Variants in CAMTA1 observed in about 807,000 individuals in gnomAD.
CAMTA1 encodes calmodulin-binding transcription activator 1.
In CAMTA1, 27 loss-of-function variants were observed where a neutral mutation model predicts 170.9. The observed-to-expected ratio is 0.16, with a 90% CI of 0.12 to 0.22. CAMTA1 has a LOEUF of 0.22. Among genes scored for constraint, CAMTA1 ranks in the 10% least tolerant of loss-of-function variants. The probability of loss-of-function intolerance (pLI) is 1.00; values close to 1 mark genes in which losing one functional copy is unlikely to be tolerated. For missense variants in CAMTA1, 1,619 were observed against 2,217.2 expected, an observed-to-expected ratio of 0.73 and a Z score of 5.42; for synonymous variants, 833 against 891.5, an observed-to-expected ratio of 0.93 and a Z score of 1.17.
intron 4 of CAMTA1, among the ~76,000 whole-genome samples, chr1:7,227,386 G>A (rs1262468017): frequency 6.6e-6 from 1 of 152,114 alleles, no homozygotes; most frequent in East Asian, 1.9e-4. Flanking sequence ...GACGTGCAAT[G>A]GTGTGATCTT....
At position 6,983,119 on chromosome 1, in the gene CAMTA1, C is replaced by A. The variant is rs555045287; in HGVS notation, c.235-108185C>A. Among the ~76,000 whole-genome samples the A allele has an allele frequency of 1.8e-4, 28 of 152,296 alleles. 1 individual carries two copies. In the South Asian group the frequency reaches 5.4e-3, roughly 29 times the overall value. ...CATTCCAGATTGTGGCTCCTGTGTG[C>A]TGTCTTTATCCTGTGTTACTCTCCC... On this transcript the variant is annotated intron_variant, in intron 3 of 22. Transcript: ENST00000303635.
rs138123146 is a variant in CAMTA1 at position 7,663,985 on chromosome 1, A to G, written c.1438A>G (p.Thr480Ala). The change falls in exon 9 of 23, where the codon ACC (threonine) becomes GCC (alanine). Residue 480 changes from threonine to alanine, a missense_variant. Transcript: ENST00000303635. ...CGGTGGCCGGAAGATTCCAGAAACC[A>G]CCATGAACTTTGACCCCGACTGTTT... Reference protein sequence around the residue: ...LDGGRKIPETTMNFDPDCFLN... With the variant: ...LDGGRKIPETAMNFDPDCFLN... 2.1e-4 allele frequency: 343 copies of G among 1,613,812 alleles called. No homozygotes were observed. The East Asian group carries it at 6.6e-3, about 31-fold the overall frequency.
At chr1:7,140,553 C>G (rs1245398813) in intron 4 of CAMTA1, among the ~76,000 whole-genome samples, 1 of 152,080 alleles carries the variant, frequency 6.6e-6, no homozygotes, top group Non-Finnish European at 1.5e-5. Context: ...GGAGAATAAG[C>G]AACTGGGTCT....
chr1:7,302,257 A>G (rs532624771), intron 5 of CAMTA1, among the ~76,000 whole-genome samples: 1 of 152,166 alleles, frequency 6.6e-6, no homozygotes, highest in African/African-American at 2.4e-5. Flanking sequence ...CTGCCCACAG[A>G]GAGATGCTCC....
At chr1:7,004,437 C>T (rs1698682681) in intron 3 of CAMTA1, among the ~76,000 whole-genome samples, 1 of 152,136 alleles carries the variant, frequency 6.6e-6, no homozygotes, top group Non-Finnish European at 1.5e-5. Flanking sequence ...ATCAGCTGGG[C>T]AGAGCTCAGG....
chr1:7,493,171 GCACACAAATACAAACACGCA>G (rs1364098687), intron 6 of CAMTA1, among the ~76,000 whole-genome samples: 4 of 122,850 alleles, frequency 3.3e-5, no homozygotes, highest in Non-Finnish European at 5.0e-5. Flanking sequence ...ACATACACGC[GCACACAAATACAAACACGCA>G]CACACACAAA....
chr1:6,875,170 C>T (rs1266702185), intron 3 of CAMTA1, among the ~76,000 whole-genome samples: 1 of 152,206 alleles, frequency 6.6e-6, no homozygotes, highest in Non-Finnish European at 1.5e-5. Flanking sequence ...CCATTCATAT[C>T]ACAGCACTGC....
chr1:7,250,920 A>G (rs1050927341), intron 5 of CAMTA1, among the ~76,000 whole-genome samples: 3 of 152,192 alleles, frequency 2.0e-5, no homozygotes. Flanking sequence ...TAGGACGGTG[A>G]CCGCTGATCG....
intron 11 of CAMTA1, among the ~76,000 whole-genome samples, chr1:7,708,124 A>G (rs906482790): frequency 6.6e-5 from 10 of 152,038 alleles, no homozygotes; most frequent in Non-Finnish European, 1.3e-4. Context: ...TGAGCCTAGG[A>G]GTTCAAGACC....
intron 6 of CAMTA1, among the ~76,000 whole-genome samples, chr1:7,484,168 C>G (rs936453165): frequency 3.3e-5 from 5 of 152,196 alleles, no homozygotes; most frequent in African/African-American, 1.2e-4. Context: ...CCAGGGCAGA[C>G]CCGGTGTGGG....
chr1:7,613,552 G>C (rs1361218477), intron 6 of CAMTA1, among the ~76,000 whole-genome samples: 1 of 152,170 alleles, frequency 6.6e-6, no homozygotes, highest in East Asian at 1.9e-4. Context: ...GAGTGTTTAT[G>C]GCATGGTCCT....
rs550518059 is a variant in CAMTA1, at chr1:7,609,943, C to T, written c.511-30457C>T. Among the ~76,000 whole-genome samples the T allele has an allele frequency of 6.6e-6, 1 of 152,204 alleles. No homozygotes were observed. The highest frequency in any genetic ancestry group is 1.5e-5 in the Non-Finnish European group (1 of 68,036). On this transcript the variant is annotated intron_variant, in intron 6 of 22. Coordinates refer to ENST00000303635, the MANE Select transcript of CAMTA1 (RefSeq NM_015215.4). This position sits in a 1 kb window ranked among gnomAD's most constrained non-coding sequence, Gnocchi z 4.4. ...CTTATTTGTGAAATGAGAGGGTAAA[C>T]TGTGGGGTCTCCAAGTCTCTTTACC... is the stretch of plus-strand genomic sequence containing the variant.
intron 4 of CAMTA1, among the ~76,000 whole-genome samples, chr1:7,141,799 A>AAGGATGAG (rs1232166910): frequency 3.2e-4 from 48 of 152,318 alleles, no homozygotes; most frequent in African/African-American, 1.0e-3. Flanking sequence ...CAGCTGGCAG[A>AAGGATGAG]AGGATGAGAG....
chr1:7,562,492 C>T lies in CAMTA1; in HGVS notation c.511-77908C>T, dbSNP rs960290826. Among the ~76,000 whole-genome samples, 4 of 152,156 alleles carry T rather than the reference C, an allele frequency of 2.6e-5. No homozygotes were observed. Among genetic ancestry groups the T allele is most frequent in the Admixed American group, 2.6e-4 (4 of 15,286 alleles). On this transcript the variant is annotated intron_variant, in intron 6 of 22. Coordinates refer to ENST00000303635, the MANE Select transcript of CAMTA1 (RefSeq NM_015215.4). The surrounding 1 kb of genome is among the most constrained non-coding windows in gnomAD (Gnocchi z 4.8). ...TCCCCCAGGCTGGCAGACGGCTCTG[C>T]CCACTCCCGCCCGCCTGCGACACCT... is the stretch of plus-strand genomic sequence containing the variant.
intron 6 of CAMTA1, among the ~76,000 whole-genome samples, chr1:7,622,961 A>G (rs751904502): frequency 6.6e-6 from 1 of 152,110 alleles, no homozygotes; most frequent in Non-Finnish European, 1.5e-5. Context: ...CTTCGTCCCT[A>G]TTCCCTGTGC....
At position 7,456,308 on chromosome 1, in the gene CAMTA1, G is replaced by A. The variant is rs1373610067; in HGVS notation, c.439-11522G>A. Reference sequence around the variant, plus strand: ...TGGGAGGGAGGAAGGACAGGGAGCGGGAAGGAGGAAGGCAGGCCATCACCA... The same window carrying A: ...TGGGAGGGAGGAAGGACAGGGAGCGAGAAGGAGGAAGGCAGGCCATCACCA... On this transcript the variant is annotated intron_variant, in intron 5 of 22. Transcript: ENST00000303635. The surrounding 1 kb of genome is among the most constrained non-coding windows in gnomAD (Gnocchi z 4.9). Among the ~76,000 whole-genome samples the A allele has an allele frequency of 6.6e-6, 1 of 152,056 alleles. No individual in the cohort carries two copies. The highest frequency in any genetic ancestry group is 6.5e-5 in the Admixed American group (1 of 15,268).
intron 4 of CAMTA1, among the ~76,000 whole-genome samples, chr1:7,222,874 A>G (rs1661044814): frequency 6.6e-6 from 1 of 152,218 alleles, no homozygotes; most frequent in South Asian, 2.1e-4. Flanking sequence ...TTCCTCTTCT[A>G]CGTGGGTATA....
At chr1:7,612,815 T>C (rs1339570767) in intron 6 of CAMTA1, among the ~76,000 whole-genome samples, 2 of 152,168 alleles carry the variant, frequency 1.3e-5, no homozygotes, top group African/African-American at 4.8e-5. Context: ...AAACCACCCT[T>C]TGCAGGTTAA....
intron 11 of CAMTA1, among the ~76,000 whole-genome samples, chr1:7,697,730 T>C (rs556907053): frequency 6.6e-6 from 1 of 152,344 alleles, no homozygotes; most frequent in East Asian, 1.9e-4. Context: ...AGGAGAAACC[T>C]GCCAGTTTTT....
Sources: gnomAD v4.1 joint callset for allele counts (sites outside exome capture counted in the v4.1 genomes callset) on GRCh38, gnomAD v4.1.1 for gene constraint, Gnocchi (gnomAD v3.1) non-coding constraint, MANE v1.5 for transcripts, NCBI Gene and HGNC (gene_info 2026-07-23, HGNC 2026-07-21) for gene names.